HACD1: variants seen among roughly 807,000 people sequenced by gnomAD.
The protein encoded by HACD1 is very-long-chain (3R)-3-hydroxyacyl-CoA dehydratase 1.
A neutral mutation model predicts 32.0 loss-of-function variants in HACD1; 41 were observed. That is an observed-to-expected ratio of 1.28 (90% CI 1.00 to 1.66). The LOEUF (loss-of-function observed/expected upper bound fraction) is 1.66, where lower values mean the gene tolerates loss of function less well. HACD1 is among the 40% of genes most tolerant of loss of function. The pLI is 0.00. For synonymous variants in HACD1, 142 were observed against 139.0 expected, an observed-to-expected ratio of 1.02 and a Z score of -0.15; for missense variants, 396 against 380.1, an observed-to-expected ratio of 1.04 and a Z score of -0.35.
rs782113697 is a variant in HACD1 at position 17,603,558 on chromosome 10, A to C, written c.483+2T>G. The C allele has an allele frequency of 1.1e-5, 18 of 1,600,868 alleles. No homozygotes were observed. On this transcript the variant is annotated splice_donor_variant, in intron 4 of 6. Transcript: ENST00000361271. LOFTEE classifies it high-confidence loss of function. ...AGTAGACAACATGTTTGTGTCACTT[A>C]CTGGTTTTATACTGTGAGTAATGAG... is the stretch of plus-strand genomic sequence containing the variant.
intron 6 of HACD1, among the ~76,000 whole-genome samples, chr10:17,592,981 C>T (rs1356853441): frequency 6.6e-6 from 1 of 152,132 alleles, no homozygotes; most frequent in Non-Finnish European, 1.5e-5. Flanking sequence ...GTGGGTGGAT[C>T]CCTTGAGGTC....
Position 17,589,447 on chromosome 10 carries a change from T to C in HACD1, c.*917A>G, listed in dbSNP as rs1554815383. The C allele has an allele frequency of 6.6e-6, 1 of 152,088 alleles. No homozygotes were observed. Among genetic ancestry groups the C allele is most frequent in the East Asian group, 1.9e-4 (1 of 5,182 alleles). The allele number at this position is 152,088 out of a possible 1,614,324, so 9.4% of individuals were successfully genotyped here. A position where few individuals can be genotyped will look rare whatever the true frequency, so the allele number is the denominator to read the frequency against. On this transcript the variant is annotated 3_prime_UTR_variant, in exon 7 of 7. Coordinates refer to ENST00000361271, the MANE Select transcript of HACD1 (RefSeq NM_014241.4). The stretch of plus-strand genomic sequence containing the variant: ...ACAGGCATGTGTCACCATGCCTGGT[T>C]AATTTTTTTTGTTTGTAATTTTTTT...
chr10:17,609,629 GTTGGCAAGGA>G (rs1834201839), intron 1 of HACD1, among the ~76,000 whole-genome samples: 1 of 152,138 alleles, frequency 6.6e-6, no homozygotes, highest in African/African-American at 2.4e-5. Context: ...CACACCAAGG[GTTGGCAAGGA>G]TGTGCACCAA....
intron 1 of HACD1, among the ~76,000 whole-genome samples, chr10:17,615,054 G>A (rs1833054728): frequency 6.6e-6 from 1 of 152,108 alleles, no homozygotes; most frequent in African/African-American, 2.4e-5. Flanking sequence ...GCCCGGCTCC[G>A]GAAACGTTTA....
intron 1 of HACD1, among the ~76,000 whole-genome samples, chr10:17,616,703 C>A (rs570357016): frequency 6.6e-6 from 1 of 151,932 alleles, no homozygotes; most frequent in South Asian, 2.1e-4. Flanking sequence ...CTCTGCCCAG[C>A]GATCGCAGCA....
chr10:17,601,104 G>A (rs991107006), intron 4 of HACD1, among the ~76,000 whole-genome samples: 1 of 151,492 alleles, frequency 6.6e-6, no homozygotes, highest in African/African-American at 2.4e-5. Flanking sequence ...TGCGATCTCA[G>A]CTCACTGCAA....
chr10:17,604,475 C>T (rs1479200651), intron 1 of HACD1, among the ~76,000 whole-genome samples: 3 of 123,328 alleles, frequency 2.4e-5, no homozygotes, highest in Non-Finnish European at 5.0e-5. Context: ...CAGAGCTGTC[C>T]GTCTCAAAAA....
intron 5 of HACD1, among the ~76,000 whole-genome samples, chr10:17,597,429 C>T (rs1405318262): frequency 6.6e-6 from 1 of 152,196 alleles, no homozygotes; most frequent in African/African-American, 2.4e-5. Flanking sequence ...TGAGCCACCA[C>T]GCCCAGCCTG....
intron 1 of HACD1, 149 bp from the exon 2 acceptor site, chr10:17,604,196 T>A: frequency 1.6e-6 from 1 of 613,806 alleles, no homozygotes; most frequent in Non-Finnish European, 2.8e-6. Flanking sequence ...TGAAATGTGG[T>A]CTATACAGGC....
Position 17,617,120 on chromosome 10 carries a change from C to T in HACD1, c.220G>A (p.Ala74Thr), listed in dbSNP as rs782287794. The T allele has an allele frequency of 7.3e-6, 11 of 1,503,968 alleles. No homozygotes were observed. In the South Asian group the frequency reaches 9.9e-5, roughly 14 times the overall value. The allele number at this position is 1,503,968 out of a possible 1,614,324, so 93.2% of individuals were successfully genotyped here. Residue 74 changes from alanine (A) to threonine (T), a missense_variant, in exon 1 of 7, where the codon GCC (alanine) becomes ACC (threonine). Physicochemically the swap from Ala to Thr is moderately conservative, Grantham distance 58. Transcript: ENST00000361271. ...GCGATGTCGTAGAAGGTGAGCCAGG[C>T]GGTGGCCAAGACCCCCAGGCGCCTC... is the stretch of plus-strand genomic sequence containing the variant. ...ERRRLGVLAT[A>T]WLTFYDIAMT...
Position 17,604,063 on chromosome 10 carries a change from ATTTC to A in HACD1, c.258-20_258-17del. The stretch of plus-strand genomic sequence containing the variant: ...AACCAACCACCTAAAAAAAAAAAGT[ATTTC>A]ATAAAGTTCTTTCGAACTTAATACC... On this transcript the variant is annotated splice_polypyrimidine_tract_variant and intron_variant, in intron 1 of 6. Transcript: ENST00000361271. 1.3e-6 allele frequency: 2 copies of A among 1,484,562 alleles called. No homozygotes were observed. Among genetic ancestry groups the A allele is most frequent in the Non-Finnish European group, 1.8e-6 (2 of 1,090,546 alleles). 92.0% of individuals were successfully genotyped at this position (1,484,562 alleles called of 1,614,324 possible).
rs1445030750 is a variant in HACD1, at chr10:17,589,042, T to A, written c.*1322A>T. 2 of 152,058 alleles carry A rather than the reference T, an allele frequency of 1.3e-5. No individual in the cohort carries two copies. Among genetic ancestry groups the A allele is most frequent in the Admixed American group, 1.3e-4 (2 of 15,256 alleles). The allele number at this position is 152,058 out of a possible 1,614,324, so 9.4% of individuals were successfully genotyped here. A position where few individuals can be genotyped will look rare whatever the true frequency, so the allele number is the denominator to read the frequency against. On this transcript the variant is annotated 3_prime_UTR_variant, in exon 7 of 7. Transcript: ENST00000361271. ...AGTTATGAAAGTAGGTCTGGTGTAT[T>A]TTTTTTATTAAACACAAGGACAGGA... is the stretch of plus-strand genomic sequence containing the variant.
intron 5 of HACD1, among the ~76,000 whole-genome samples, chr10:17,598,885 G>A (rs997792165): frequency 1.3e-5 from 2 of 151,634 alleles, no homozygotes; most frequent in African/African-American, 2.4e-5. Context: ...AAAACCAATC[G>A]CATTGTGTAA....
rs1554815844 is a variant in HACD1 at position 17,594,440 on chromosome 10, A to T, written c.606-57T>A. ...TTCTACAATAATTATTAGACTTTAC[A>T]TTGCAGGTCTATTGCTACTACTAAA... On this transcript the variant is annotated intron_variant, in intron 5 of 6. Coordinates refer to ENST00000361271, the MANE Select transcript of HACD1 (RefSeq NM_014241.4). 5 of 1,303,558 alleles carry T rather than the reference A, an allele frequency of 3.8e-6. No individual in the cohort carries two copies. The East Asian group carries it at 1.3e-4, about 33-fold the overall frequency. The allele number at this position is 1,303,558 out of a possible 1,614,324, so 80.7% of individuals were successfully genotyped here.
At chr10:17,599,834 A>T (rs923398229) in intron 4 of HACD1, among the ~76,000 whole-genome samples, 1 of 152,168 alleles carries the variant, frequency 6.6e-6, no homozygotes, top group Non-Finnish European at 1.5e-5. Flanking sequence ...TCTCATCTTG[A>T]CTACTGTAAC....
Position 17,603,977 on chromosome 10 carries a change from T to C in HACD1, c.328A>G (p.Ser110Gly). ...EKGTHRGLYK[S>G]IQKTLKFFQT... is the part of the protein sequence containing the mutation. ...AAAAATTTAAGTGTCTTCTGAATAC[T>C]TTTATATAAACCTCTGTGTGTTCCT... Residue 110 changes from serine (S) to glycine (G), a missense_variant, in exon 2 of 7, where the codon AGT (serine) becomes GGT (glycine). Transcript: ENST00000361271. 6.2e-7 allele frequency: 1 copy of C among 1,612,720 alleles called. No homozygotes were observed. The highest frequency in any genetic ancestry group is 8.5e-7 in the Non-Finnish European group (1 of 1,179,512).
intron 6 of HACD1, among the ~76,000 whole-genome samples, chr10:17,593,932 A>T (rs1833961038): frequency 6.6e-6 from 1 of 152,148 alleles, no homozygotes; most frequent in Non-Finnish European, 1.5e-5. Context: ...ATCTTTCTTT[A>T]AAAAAATCAT....
intron 1 of HACD1, among the ~76,000 whole-genome samples, chr10:17,609,149 CA>C (rs1230630168): frequency 3.5e-5 from 5 of 144,724 alleles, no homozygotes; most frequent in African/African-American, 1.3e-4. Flanking sequence ...AAAAAATGTG[CA>C]AAAGGTTTTT....
In HACD1 at chr10:17,617,141, G is replaced by A. The variant is rs1554818202; in HGVS notation, c.199C>T (p.Arg67Cys). The part of the protein sequence containing the change: ...EDREAPGERR[R>C]LGVLATAWLT... Reference sequence around the variant, plus strand: ...CAGGCGGTGGCCAAGACCCCCAGGCGCCTCCGCTCGCCGGGAGCCTCCCGG... The same window carrying A: ...CAGGCGGTGGCCAAGACCCCCAGGCACCTCCGCTCGCCGGGAGCCTCCCGG... Residue 67 changes from arginine to cysteine, a missense_variant, in exon 1 of 7, where the codon CGC becomes TGC. Physicochemically the swap from Arg to Cys is radical, Grantham distance 180 (BLOSUM62 -3). Coordinates refer to ENST00000361271, the MANE Select transcript of HACD1 (RefSeq NM_014241.4). 2 of 1,507,048 alleles carry A rather than the reference G, an allele frequency of 1.3e-6. No individual in the cohort carries two copies. The highest frequency in any genetic ancestry group is 8.8e-7 in the Non-Finnish European group (1 of 1,131,292). 93.4% of individuals were successfully genotyped at this position (1,507,048 alleles called of 1,614,324 possible). A position where few individuals can be genotyped will look rare whatever the true frequency, so the allele number is the denominator to read the frequency against.
Sources: allele counts gnomAD v4.1 joint callset (sites outside exome capture counted in the v4.1 genomes callset), GRCh38; gene constraint gnomAD v4.1.1; transcripts MANE v1.5; gene names NCBI Gene and HGNC (gene_info 2026-07-23, HGNC 2026-07-21).